CERS1: variants seen among roughly 807,000 people sequenced by gnomAD.
The protein encoded by CERS1 is Embryonic growth/differentiation factor 1.
CERS1 carries 16 observed loss-of-function variants against 35.7 expected under a neutral mutation model. That is an observed-to-expected ratio of 0.45 (90% CI 0.30 to 0.68). The LOEUF is 0.68. CERS1 is among the 30% of genes least tolerant of loss of function. The pLI is 0.08. For synonymous variants in CERS1, 243 were observed against 201.6 expected (o/e 1.21, Z -1.74); for missense variants, 454 against 453.9 (o/e 1.00, Z 0.00).
Position 18,869,968 on chromosome 19 carries a change from G to A in CERS1, c.*594+15C>T, listed in dbSNP as rs1253618613. The A allele has an allele frequency of 6.4e-6, 10 of 1,574,464 alleles. No individual in the cohort carries two copies. The highest frequency in any genetic ancestry group is 8.6e-6 in the Non-Finnish European group (10 of 1,161,800). ...GGCCTCCAGGACCAGTGTCCCCAGC[G>A]AAAGCCCCACTCACCGCGGTCCGGG... is the stretch of plus-strand genomic sequence containing the variant. On this transcript the variant is annotated intron_variant, in intron 7 of 7. Transcript: ENST00000623882.
intron 6 of CERS1, among the ~76,000 whole-genome samples, chr19:18,874,582 C>T (rs575446143): frequency 6.6e-5 from 10 of 152,326 alleles, no homozygotes; most frequent in African/African-American, 9.6e-5. Flanking sequence ...AGTGTCTCAA[C>T]GGATGGCCGG....
Position 18,870,011 on chromosome 19 carries a change from T to C in CERS1, c.*566A>G, listed in dbSNP as rs377462104. The C allele has an allele frequency of 3.5e-5, 56 of 1,597,018 alleles. No individual in the cohort carries two copies. The highest frequency in any genetic ancestry group is 4.7e-5 in the Non-Finnish European group (55 of 1,173,610). ...GGTCCGGGATGTGGCGCACGATGTT[T>C]CCGGCGACCCCCAGCTCCTCCACGT... On this transcript the variant is annotated 3_prime_UTR_variant, in exon 7 of 8. Coordinates refer to ENST00000623882, the MANE Select transcript of CERS1 (RefSeq NM_021267.5). The surrounding 1 kb of genome is among the most constrained non-coding windows in gnomAD (Gnocchi z 5.1).
rs747965288 is a variant in CERS1 at position 18,878,905 on chromosome 19, G to A, written c.1010+25C>T. 2.2e-5 allele frequency: 36 copies of A among 1,611,390 alleles called. No homozygotes were observed. The Admixed American group carries it at 2.8e-4, about 13-fold the overall frequency. ...CGGGTGACACTAAAGGAGGGAACGC[G>A]GGGTGCGGGCCCCTCCACACTCACT... On this transcript the variant is annotated intron_variant, in intron 6 of 7. Coordinates refer to ENST00000623882, the MANE Select transcript of CERS1 (RefSeq NM_021267.5). The surrounding 1 kb of genome is among the most constrained non-coding windows in gnomAD (Gnocchi z 4.6).
chr19:18,870,102 C>T lies in CERS1; in HGVS notation c.*475G>A, dbSNP rs775390513. 6 of 1,570,018 alleles carry T rather than the reference C, an allele frequency of 3.8e-6. No homozygotes were observed. Among genetic ancestry groups the T allele is most frequent in the Admixed American group, 3.6e-5 (2 of 55,216 alleles). ...GCCAGACCTGGTCTCCTGGGGGTCC[C>T]GGCGTCGAAACAGGCGCCACATGAC... On this transcript the variant is annotated 3_prime_UTR_variant, in exon 7 of 8. Transcript: ENST00000623882. This position sits in a 1 kb window ranked among gnomAD's most constrained non-coding sequence, Gnocchi z 5.1.
chr19:18,875,974 A>G (rs969601743), intron 6 of CERS1, among the ~76,000 whole-genome samples: 5 of 152,208 alleles, frequency 3.3e-5, no homozygotes, highest in African/African-American at 1.2e-4. Flanking sequence ...ATATTAGAGA[A>G]TAAGTTCCTG....
chr19:18,888,004 A>G (rs898021618), intron 2 of CERS1, among the ~76,000 whole-genome samples: 2 of 152,064 alleles, frequency 1.3e-5, no homozygotes, highest in African/African-American at 4.8e-5. Context: ...GGAATCACAT[A>G]GTATTTGTCT....
chr19:18,871,223 A>ATT lies in CERS1; in HGVS notation c.1011-606_1011-605dup, dbSNP rs572877061. On this transcript the variant is annotated intron_variant, in intron 6 of 7. Coordinates refer to ENST00000623882, the MANE Select transcript of CERS1 (RefSeq NM_021267.5). ...CAGGGGCACGCCACCACTCCCAGCA[A>ATT]TTTTTTTTTTTTTTTTTTTTTGAGA... Among the ~76,000 whole-genome samples the ATT allele has an allele frequency of 1.3e-3, 161 of 119,780 alleles. 1 individual carries two copies. Among genetic ancestry groups the ATT allele is most frequent in the African/African-American group, 4.9e-3 (152 of 31,132 alleles). The allele number at this position is 119,780 out of a possible 152,430, so 78.6% of individuals were successfully genotyped here.
rs1489631678 is a variant in CERS1 at position 18,878,640 on chromosome 19, C to T, written c.1010+290G>A. The stretch of plus-strand genomic sequence containing the variant: ...CCACAGGGCCCTGGCTCGCCACTCC[C>T]GCCACACCAGCCACTAGGCCTGGCC... On this transcript the variant is annotated intron_variant, in intron 6 of 7. Coordinates refer to ENST00000623882, the MANE Select transcript of CERS1 (RefSeq NM_021267.5). This position sits in a 1 kb window ranked among gnomAD's most constrained non-coding sequence, Gnocchi z 4.6. 6.5e-6 allele frequency: 8 copies of T among 1,232,554 alleles called. No homozygotes were observed. Among genetic ancestry groups the T allele is most frequent in the South Asian group, 5.6e-5 (3 of 53,410 alleles). The allele number at this position is 1,232,554 out of a possible 1,614,324, so 76.4% of individuals were successfully genotyped here.
chr19:18,891,497 C>CA (rs2056490194), intron 2 of CERS1, among the ~76,000 whole-genome samples: 1 of 152,182 alleles, frequency 6.6e-6, no homozygotes, highest in African/African-American at 2.4e-5. Context: ...GCGCTGCAGT[C>CA]ACCTCCCTGC....
intron 3 of CERS1, 116 bp downstream of exon 3, chr19:18,883,971 G>T: frequency 1.8e-6 from 2 of 1,131,016 alleles, no homozygotes; most frequent in Non-Finnish European, 2.5e-6. Context: ...GGAACCCTGA[G>T]CACTCCGACC....
At chr19:18,883,402 G>T (rs955310559) in intron 3 of CERS1, 6 of 152,058 alleles carry the variant, frequency 3.9e-5, no homozygotes, top group African/African-American at 1.5e-4. Flanking sequence ...GCGTGGTGGC[G>T]CACACCTGTA....
chr19:18,870,244 G>A lies in CERS1; in HGVS notation c.*333C>T, dbSNP rs1274881853. On this transcript the variant is annotated 3_prime_UTR_variant, in exon 7 of 8. Transcript: ENST00000623882. The surrounding 1 kb of genome is among the most constrained non-coding windows in gnomAD (Gnocchi z 5.1). The stretch of plus-strand genomic sequence containing the variant: ...GGGGCGCGGGTCAGGGGCAGCGAGG[G>A]CAGCAGCAGGGCCAGGAGGAGGAGG... The A allele has an allele frequency of 6.4e-6, 10 of 1,550,760 alleles. No individual in the cohort carries two copies. Among genetic ancestry groups the A allele is most frequent in the Non-Finnish European group, 7.8e-6 (9 of 1,151,114 alleles).
chr19:18,883,994 C>G, intron 3 of CERS1, 93 bp downstream of exon 3: 1 of 1,368,798 alleles, frequency 7.3e-7, no homozygotes, highest in Non-Finnish European at 9.9e-7. Context: ...ATGTGATCCC[C>G]TCCACGGCCT....
chr19:18,893,349 G>T (rs747592224), intron 2 of CERS1, 67 bp downstream of exon 2: 1 of 1,505,036 alleles, frequency 6.6e-7, no homozygotes, highest in East Asian at 2.5e-5. Flanking sequence ...TGAGTAGCTG[G>T]GACCACAAGC....
chr19:18,872,227 C>A (rs775028373), intron 6 of CERS1, among the ~76,000 whole-genome samples: 1 of 152,226 alleles, frequency 6.6e-6, no homozygotes, highest in Non-Finnish European at 1.5e-5. Context: ...TTTGTTTTTT[C>A]TGCAAAAGCT....
intron 5 of CERS1, 23 bp downstream of exon 5, chr19:18,879,218 G>A (rs2056130868): frequency 2.5e-6 from 4 of 1,613,074 alleles, no homozygotes; most frequent in Non-Finnish European, 3.4e-6. Context: ...CGCCACTGTG[G>A]AGGAGAGCCG....
chr19:18,894,948 C>T (rs892891432), intron 1 of CERS1, among the ~76,000 whole-genome samples: 2 of 152,242 alleles, frequency 1.3e-5, no homozygotes, highest in Non-Finnish European at 2.9e-5. Flanking sequence ...AAGGCCCAAA[C>T]ACCTTCCAAC....
chr19:18,869,032 C>T lies in CERS1; in HGVS notation c.*953G>A. The T allele has an allele frequency of 3.7e-6, 4 of 1,076,468 alleles. No individual in the cohort carries two copies. The highest frequency in any genetic ancestry group is 3.4e-6 in the Non-Finnish European group (3 of 889,586). 66.7% of individuals were successfully genotyped at this position (1,076,468 alleles called of 1,614,324 possible). A position where few individuals can be genotyped will look rare whatever the true frequency, so the allele number is the denominator to read the frequency against. The stretch of plus-strand genomic sequence containing the variant: ...GCAGCAGCGAGGCCTCGGCCAGGCG[C>T]GCGCAGGCGGCAGGGGCCCGGGGGC... On this transcript the variant is annotated 3_prime_UTR_variant, in exon 8 of 8. Coordinates refer to ENST00000623882, the MANE Select transcript of CERS1 (RefSeq NM_021267.5).
chr19:18,869,939 G>A (rs1415411887), intron 7 of CERS1, 44 bp downstream of exon 7: 2 of 1,535,568 alleles, frequency 1.3e-6, no homozygotes, highest in Non-Finnish European at 1.8e-6. Context: ...GCCCTGCGAG[G>A]TCTGGCCTCC....
Sources: allele counts gnomAD v4.1 joint callset (sites outside exome capture counted in the v4.1 genomes callset), GRCh38; gene constraint gnomAD v4.1.1; non-coding constraint Gnocchi (gnomAD v3.1); transcripts MANE v1.5; gene names NCBI Gene and HGNC (gene_info 2026-07-23, HGNC 2026-07-21).